KIF17: variants seen among roughly 807,000 people sequenced by gnomAD.
KIF17 encodes kinesin family member 17.
Under a neutral mutation model 96.8 loss-of-function variants are expected in KIF17, and 80 were observed. That is an observed-to-expected ratio of 0.83 (90% confidence interval 0.69 to 1.00). KIF17 has a LOEUF of 1.00. KIF17 is among the 50% of genes least tolerant of loss of function. KIF17 has a pLI of 0.00. For missense variants in KIF17, 1,280 were observed against 1,372.9 expected (o/e 0.93, Z 1.07); for synonymous variants, 567 against 587.5 (o/e 0.97, Z 0.51).
At chr1:20,712,614 A>G (rs2054466538) in intron 3 of KIF17, among the ~76,000 whole-genome samples, 1 of 32,756 alleles carries the variant, frequency 3.1e-5, no homozygotes, top group Non-Finnish European at 8.4e-5. Context: ...CTATATATAT[A>G]TAATATAGAT....
intron 14 of KIF17, among the ~76,000 whole-genome samples, chr1:20,665,586 A>T (rs2053513647): frequency 6.6e-6 from 1 of 151,764 alleles, no homozygotes; most frequent in Non-Finnish European, 1.5e-5. Context: ...TTTTTAGTAG[A>T]GACGGGGTTT....
At chr1:20,711,689 G>A (rs1407037485) in intron 3 of KIF17, among the ~76,000 whole-genome samples, 1 of 152,174 alleles carries the variant, frequency 6.6e-6, no homozygotes, top group East Asian at 1.9e-4. Context: ...GCTAGGGGGA[G>A]GGGATAGAAC....
chr1:20,664,626 C>A lies in KIF17; in HGVS notation c.3045G>T (p.Lys1015Asn), dbSNP rs1227913401. Residue 1015 changes from lysine (K) to asparagine (N), a missense_variant, in exon 15 of 15, where the codon AAG (lysine) becomes AAT (asparagine). By Grantham distance (94) the Lys-to-Asn change is moderately conservative (BLOSUM62 0). Coordinates refer to ENST00000400463, the MANE Select transcript of KIF17 (RefSeq NM_001122819.3). ...CAAAGTTGCTTTTGCTTTTCTTACG[C>A]TTGGCCTTGGTGAAAGGGATGTCGA... ...ESLDIPFTKA[K>N]RKKSKSNFGS... 1 of 1,423,856 alleles carries A rather than the reference C, an allele frequency of 7.0e-7. No individual in the cohort carries two copies. Among genetic ancestry groups the A allele is most frequent in the Admixed American group, 1.9e-5 (1 of 52,712 alleles). The allele number at this position is 1,423,856 out of a possible 1,614,324, so 88.2% of individuals were successfully genotyped here.
chr1:20,684,944 G>A lies in KIF17; in HGVS notation c.2096C>T (p.Ala699Val), dbSNP rs764831126. 17 of 1,603,248 alleles carry A rather than the reference G, an allele frequency of 1.1e-5. No homozygotes were observed. Among genetic ancestry groups the A allele is most frequent in the Non-Finnish European group, 1.3e-5 (15 of 1,175,330 alleles). The change falls in exon 10 of 15, where the codon GCC (alanine) becomes GTC (valine). Residue 699 changes from alanine to valine, a missense_variant. By Grantham distance (64) the Ala-to-Val change is moderately conservative. Coordinates refer to ENST00000400463, the MANE Select transcript of KIF17 (RefSeq NM_001122819.3). The part of the protein sequence containing the change: ...AEPGVWLEAQ[A>V]PVALVAQPEP... ...AGGCTGAGCCACCAGGGCCACCGGG[G>A]CCTGAGCCTCCAACCACACGCCAGG...
At chr1:20,696,121 C>T (rs901259032) in intron 6 of KIF17, among the ~76,000 whole-genome samples, 2 of 152,296 alleles carry the variant, frequency 1.3e-5, no homozygotes, top group South Asian at 2.1e-4. Flanking sequence ...TAAGGATGGA[C>T]TTGCAGAAGG....
chr1:20,697,626 T>G (rs1429394860), intron 6 of KIF17, among the ~76,000 whole-genome samples: 1 of 151,954 alleles, frequency 6.6e-6, no homozygotes, highest in Non-Finnish European at 1.5e-5. Flanking sequence ...AGTAAATAAA[T>G]AAATGAATAA....
chr1:20,701,813 A>G (rs910437523), intron 5 of KIF17, among the ~76,000 whole-genome samples: 5 of 152,218 alleles, frequency 3.3e-5, no homozygotes, highest in African/African-American at 2.4e-5. Flanking sequence ...GACAACGTCA[A>G]TGGGCCAGGA....
chr1:20,666,176 T>G, intron 14 of KIF17, 38 bp downstream of exon 14: 6 of 1,411,002 alleles, frequency 4.3e-6, no homozygotes, highest in Non-Finnish European at 6.0e-6. Context: ...CCTCTCCCAG[T>G]TGTGTGGAGA....
chr1:20,672,653 G>A lies in KIF17; in HGVS notation c.2464-457C>T, dbSNP rs967722335. 3.3e-5 allele frequency among the ~76,000 whole-genome samples: 5 copies of A among 152,276 alleles called. 1 individual carries two copies. The highest frequency in any genetic ancestry group is 2.6e-4 in the Admixed American group (4 of 15,288). ...GGAGGACAACAGGCACAAACTCTCC[G>A]ACTTGACAATCCTCACTCTCCCACT... On this transcript the variant is annotated intron_variant, in intron 11 of 14. Transcript: ENST00000400463. This position sits in a 1 kb window ranked among gnomAD's most constrained non-coding sequence, Gnocchi z 4.3.
chr1:20,698,595 A>G, intron 5 of KIF17, 107 bp from the exon 6 acceptor site: 2 of 727,204 alleles, frequency 2.8e-6, no homozygotes, highest in South Asian at 1.5e-5. Context: ...AGAAGACTTT[A>G]AAGTATTCAG....
intron 5 of KIF17, among the ~76,000 whole-genome samples, chr1:20,701,619 C>T (rs909935214): frequency 1.3e-5 from 2 of 152,032 alleles, no homozygotes; most frequent in African/African-American, 4.8e-5. Flanking sequence ...AGGGACGACT[C>T]GCCCTTGGGA....
chr1:20,682,673 G>A lies in KIF17; in HGVS notation c.2443C>T (p.Leu815=). 6.2e-7 allele frequency: 1 copy of A among 1,614,026 alleles called. No homozygotes were observed. The highest frequency in any genetic ancestry group is 1.1e-5 in the South Asian group (1 of 91,088). Residue 815 remains leucine, a synonymous_variant, in exon 11 of 15, where the codon CTG becomes TTG. Transcript: ENST00000400463. ...CTCACCTTCCTCTGCATCTTCTCCAGCAGCTTGCTCTTGGCCCGCACTTCC... is the reference window on the plus strand; with the variant it reads ...CTCACCTTCCTCTGCATCTTCTCCAACAGCTTGCTCTTGGCCCGCACTTCC... The part of the protein sequence containing the change: ...QEEVRAKSKL[L]EKMQRKLRAA...
intron 3 of KIF17, among the ~76,000 whole-genome samples, chr1:20,712,528 T>A: frequency 8.1e-6 from 1 of 123,992 alleles, no homozygotes; most frequent in Non-Finnish European, 1.7e-5. Flanking sequence ...GACCTTGTCA[T>A]ATATATATCT....
At chr1:20,662,328 A>T (rs964383343), downstream of KIF17, among the ~76,000 whole-genome samples, 5 of 152,196 alleles carry the variant, frequency 3.3e-5, no homozygotes, top group African/African-American at 1.2e-4. Context: ...TACCACAAGC[A>T]GCAAGACTTC....
At position 20,684,837 on chromosome 1, in the gene KIF17, C is replaced by T. The variant is rs13375609; in HGVS notation, c.2203G>A (p.Val735Ile). The T allele has an allele frequency of 2.1e-3, 3,262 of 1,590,884 alleles. 44 individuals carry two copies. In the African/African-American group the frequency reaches 0.035, roughly 17 times the overall value. ...VAVLTDDPLP[V>I]VDQQQVLARL... ...GCCAGCACCTGCTGCTGGTCCACAA[C>T]GGGCAGCGGGTCATCAGTCAGCACT... Residue 735 changes from valine to isoleucine, a missense_variant, in exon 10 of 15, where the codon GTT (valine) becomes ATT (isoleucine). Transcript: ENST00000400463.
At position 20,709,931 on chromosome 1, in the gene KIF17, C is replaced by T. The variant is rs906623418; in HGVS notation, c.481-103G>A. On this transcript the variant is annotated intron_variant, in intron 3 of 14. Transcript: ENST00000400463. The surrounding 1 kb of genome is among the most constrained non-coding windows in gnomAD (Gnocchi z 4.7). ...AGAAGGGCCCCATCCAGACCGCCCT[C>T]GCCCTCCTGTAATGCAGGCTGGCAC... 16 of 1,091,304 alleles carry T rather than the reference C, an allele frequency of 1.5e-5. No individual in the cohort carries two copies. The highest frequency in any genetic ancestry group is 9.4e-5 in the South Asian group (7 of 74,598). 67.6% of individuals were successfully genotyped at this position (1,091,304 alleles called of 1,614,324 possible).
chr1:20,663,931 G>A (rs2053478711), downstream of KIF17: 1 of 158,122 alleles, frequency 6.3e-6, no homozygotes, highest in South Asian at 1.8e-4. Flanking sequence ...CCTTTTTCCA[G>A]AAAGAACTTC....
At chr1:20,698,268 C>A in intron 6 of KIF17, 111 bp downstream of exon 6, 1 of 760,238 alleles carries the variant, frequency 1.3e-6, no homozygotes, top group Non-Finnish European at 2.3e-6. Context: ...AGGACCAAAC[C>A]CACGGTGAAG....
chr1:20,711,505 G>A (rs1345930335), intron 3 of KIF17, among the ~76,000 whole-genome samples: 3 of 152,198 alleles, frequency 2.0e-5, no homozygotes, highest in Non-Finnish European at 2.9e-5. Flanking sequence ...CAGCTGGGAT[G>A]CGGCAAGGAT....
Sources: gnomAD v4.1 joint callset for allele counts (sites outside exome capture counted in the v4.1 genomes callset) on GRCh38, gnomAD v4.1.1 for gene constraint, Gnocchi (gnomAD v3.1) non-coding constraint, MANE v1.5 for transcripts, NCBI Gene and HGNC (gene_info 2026-07-23, HGNC 2026-07-21) for gene names.